The following ZFHX3 variants were observed in gnomAD, a reference collection of about 807,000 sequenced individuals.
The protein encoded by ZFHX3 is zinc finger homeobox 3.
Under a neutral mutation model 279.1 loss-of-function variants are expected in ZFHX3, and 42 were observed. The observed-to-expected ratio is 0.15, with a 90% CI of 0.12 to 0.19. The LOEUF (loss-of-function observed/expected upper bound fraction) is 0.19. ZFHX3 is among the 10% of genes least tolerant of loss of function. ZFHX3 has a pLI of 1.00. For synonymous variants in ZFHX3, 2,293 were observed against 1,957.8 expected (o/e 1.17, Z -4.52); for missense variants, 4,981 against 4,754.0 (o/e 1.05, Z -1.40).
intron 3 of ZFHX3, among the ~76,000 whole-genome samples, chr16:72,922,687 A>T (rs1297672071): frequency 6.6e-6 from 1 of 152,184 alleles, no homozygotes; most frequent in Non-Finnish European, 1.5e-5. Flanking sequence ...TCTTCCTTTG[A>T]AATTGCCTTG....
chr16:72,800,182 G>A (rs2036053266), intron 7 of ZFHX3, 53 bp from the exon 8 acceptor site: 1 of 1,488,806 alleles, frequency 6.7e-7, no homozygotes, highest in African/African-American at 1.4e-5. Flanking sequence ...ACACAAAATA[G>A]GAAATGTTTA....
chr16:73,068,014 A>G (rs1243979339), intron 8 of ZFHX3, among the ~76,000 whole-genome samples: 1 of 151,866 alleles, frequency 6.6e-6, no homozygotes, highest in Non-Finnish European at 1.5e-5. Context: ...CTCTTTTCCT[A>G]CCTCCCTAGA....
chr16:73,419,607 A>G (rs1012330348), intron 3 of ZFHX3, among the ~76,000 whole-genome samples: 1 of 151,772 alleles, frequency 6.6e-6, no homozygotes, highest in Non-Finnish European at 1.5e-5. Flanking sequence ...CATTTACTAT[A>G]TGCCATATGA....
chr16:73,804,027 C>T (rs990600341), intron 1 of ZFHX3, among the ~76,000 whole-genome samples: 3 of 152,074 alleles, frequency 2.0e-5, no homozygotes, highest in African/African-American at 7.2e-5. Flanking sequence ...AGTGGTGGCA[C>T]ACATCTGTAG....
At chr16:73,094,315 C>T (rs1966130248) in intron 7 of ZFHX3, among the ~76,000 whole-genome samples, 1 of 152,204 alleles carries the variant, frequency 6.6e-6, no homozygotes, top group African/African-American at 2.4e-5. Flanking sequence ...TCTAAGAACC[C>T]CTACCCTGAC....
At chr16:73,848,155 A>C (rs968304222) in intron 1 of ZFHX3, among the ~76,000 whole-genome samples, 1 of 152,008 alleles carries the variant, frequency 6.6e-6, no homozygotes, top group African/African-American at 2.4e-5. Flanking sequence ...GACATGGGCT[A>C]ATTTCAGTGG....
At chr16:73,325,902 AACAC>A (rs112302302) in intron 3 of ZFHX3, among the ~76,000 whole-genome samples, 177 of 91,308 alleles carry the variant, frequency 1.9e-3, no homozygotes, top group African/African-American at 4.1e-3. Flanking sequence ...CACACACACA[AACAC>A]ACACACACAC....
intron 4 of ZFHX3, among the ~76,000 whole-genome samples, chr16:72,889,384 T>C (rs973710874): frequency 6.6e-6 from 1 of 151,754 alleles, no homozygotes; most frequent in African/African-American, 2.4e-5. Flanking sequence ...GGAGGAATCT[T>C]AGAATAGAGG....
At chr16:73,388,199 C>A (rs1286260442) in intron 3 of ZFHX3, among the ~76,000 whole-genome samples, 1 of 152,102 alleles carries the variant, frequency 6.6e-6, no homozygotes, top group African/African-American at 2.4e-5. Flanking sequence ...ATGGCTGCCA[C>A]AGGTCTTCTT....
rs1032770766 is a variant in ZFHX3, at chr16:73,786,414, G to A, written c.-1608+105237C>T. Among the ~76,000 whole-genome samples, 11 of 152,164 alleles carry A rather than the reference G, an allele frequency of 7.2e-5. No homozygotes were observed. The South Asian group carries it at 1.0e-3, about 14-fold the overall frequency. ...AAAATGAGACACATAAAAAAAAACT[G>A]TTGGAAGCTCTGTGTTGTGTTGGTG... is the stretch of plus-strand genomic sequence containing the variant. On this transcript the variant is annotated intron_variant, in intron 1 of 17. Coordinates refer to the ZFHX3 transcript ENST00000641206.
chr16:73,111,367 C>T (rs1403142602), intron 7 of ZFHX3, among the ~76,000 whole-genome samples: 1 of 152,098 alleles, frequency 6.6e-6, no homozygotes, highest in East Asian at 1.9e-4. Context: ...ACAATCATGC[C>T]AGCTTAGGGG....
Position 72,794,436 on chromosome 16 carries a change from GCAGA to G in ZFHX3, c.8242_8245del (p.Ser2748ArgfsTer4). Reference sequence around the variant, plus strand: ...TCCCCCATCACAGTCTAAGAGCATCGCAGACAGAGTTAGGTTGTAGCCAGCTCTC... The same window carrying G: ...TCCCCCATCACAGTCTAAGAGCATCGCAGAGTTAGGTTGTAGCCAGCTCTC... On this transcript the variant is annotated frameshift_variant, in exon 9 of 10. Coordinates refer to ENST00000268489, the MANE Select transcript of ZFHX3 (RefSeq NM_006885.4). LOFTEE classifies it high-confidence loss of function. The surrounding 1 kb of genome is among the most constrained non-coding windows in gnomAD (Gnocchi z 4.2). 6.2e-7 allele frequency: 1 copy of G among 1,613,704 alleles called. No individual in the cohort carries two copies. The highest frequency in any genetic ancestry group is 8.5e-7 in the Non-Finnish European group (1 of 1,179,880).
At chr16:73,065,974 T>C (rs1248429435) in intron 8 of ZFHX3, among the ~76,000 whole-genome samples, 3 of 152,194 alleles carry the variant, frequency 2.0e-5, no homozygotes, top group African/African-American at 7.2e-5. Context: ...TGGTTAAGGC[T>C]GGTGAGTGCA....
intron 3 of ZFHX3, among the ~76,000 whole-genome samples, chr16:73,438,208 A>T (rs2018028523): frequency 6.6e-6 from 1 of 152,228 alleles, no homozygotes. Flanking sequence ...TCGTAGCTCC[A>T]GAGAATTTCA....
intron 3 of ZFHX3, among the ~76,000 whole-genome samples, chr16:73,388,101 T>G (rs1438218218): frequency 2.6e-5 from 4 of 152,144 alleles, no homozygotes; most frequent in Non-Finnish European, 5.9e-5. Context: ...TGCCACACAG[T>G]GCACTTGAGA....
At chr16:73,142,623 G>A (rs1470741857) in intron 6 of ZFHX3, among the ~76,000 whole-genome samples, 2 of 152,224 alleles carry the variant, frequency 1.3e-5, no homozygotes, top group South Asian at 4.1e-4. Flanking sequence ...GTTAATGAGT[G>A]CATGACGGGT....
rs1233137169 is a variant in ZFHX3 at position 72,784,477 on chromosome 16, A to G, written c.*2687T>C. ...TAACTGATATCACATAGAGAACCAAAAACAAAAACAATTTTTTTTCTATAT... is the reference window on the plus strand; with the variant it reads ...TAACTGATATCACATAGAGAACCAAGAACAAAAACAATTTTTTTTCTATAT... On this transcript the variant is annotated 3_prime_UTR_variant, in exon 10 of 10. Coordinates refer to ENST00000268489, the MANE Select transcript of ZFHX3 (RefSeq NM_006885.4). 6.6e-6 allele frequency: 1 copy of G among 152,474 alleles called. No individual in the cohort carries two copies. The highest frequency in any genetic ancestry group is 2.4e-5 in the African/African-American group (1 of 41,410). The allele number at this position is 152,474 out of a possible 1,614,324, so 9.4% of individuals were successfully genotyped here. A position where few individuals can be genotyped will look rare whatever the true frequency, so the allele number is the denominator to read the frequency against.
At chr16:72,921,453 C>T (rs2039582460) in intron 3 of ZFHX3, among the ~76,000 whole-genome samples, 1 of 152,240 alleles carries the variant, frequency 6.6e-6, no homozygotes, top group African/African-American at 2.4e-5. Flanking sequence ...CGGCGCAATG[C>T]AAAAGGGCAG....
At chr16:72,925,629 T>C (rs771884244) in intron 3 of ZFHX3, among the ~76,000 whole-genome samples, 9 of 152,186 alleles carry the variant, frequency 5.9e-5, no homozygotes, top group Non-Finnish European at 1.3e-4. Flanking sequence ...TTATCTTGAG[T>C]TGCCTTTCAC....
Sources: gnomAD v4.1 joint callset for allele counts (sites outside exome capture counted in the v4.1 genomes callset) on GRCh38, gnomAD v4.1.1 for gene constraint, Gnocchi (gnomAD v3.1) non-coding constraint, MANE v1.5 for transcripts, NCBI Gene and HGNC (gene_info 2026-07-23, HGNC 2026-07-21) for gene names.